The following SPAG16 variants were observed in gnomAD, a reference collection of about 807,000 sequenced individuals.
SPAG16 encodes the protein sperm associated antigen 16, also known as sperm-associated antigen 16 protein.
In SPAG16, 86 loss-of-function variants were observed where a neutral mutation model predicts 80.4. That is an observed-to-expected ratio of 1.07 (90% CI 0.90 to 1.28). The LOEUF is 1.28. Among genes scored for constraint, SPAG16 ranks in the 50% most tolerant of loss-of-function variants. The probability of loss-of-function intolerance (pLI) is 0.00; values close to 1 mark genes in which losing one functional copy is unlikely to be tolerated. For synonymous variants in SPAG16, 294 were observed against 265.9 expected (o/e 1.11, Z -1.03); for missense variants, 870 against 765.3 (o/e 1.14, Z -1.61).
intron 10 of SPAG16, among the ~76,000 whole-genome samples, chr2:213,648,349 A>T (rs921834930): frequency 6.6e-6 from 1 of 152,212 alleles, no homozygotes; most frequent in Non-Finnish European, 1.5e-5. Context: ...AAGCTTAAGT[A>T]CATCTATAGT....
chr2:213,673,560 C>G lies in SPAG16; in HGVS notation c.1070+183470C>G, dbSNP rs545744999. Among the ~76,000 whole-genome samples the G allele has an allele frequency of 2.0e-5, 3 of 152,074 alleles. No individual in the cohort carries two copies. In the South Asian group the frequency reaches 6.2e-4, roughly 32 times the overall value. On this transcript the variant is annotated intron_variant, in intron 10 of 15. Transcript: ENST00000331683. ...CATATGTCCTGCAAGACCATTGAGT[C>G]AAGGGAAAAAGCACATTGCAGAAGA...
chr2:213,783,323 A>G (rs937123555), intron 10 of SPAG16, among the ~76,000 whole-genome samples: 1 of 151,938 alleles, frequency 6.6e-6, no homozygotes, highest in East Asian at 1.9e-4. Flanking sequence ...ATAATAAAAA[A>G]AAAAAAAAAA....
At chr2:214,304,859 C>A (rs1694806344) in intron 15 of SPAG16, among the ~76,000 whole-genome samples, 2 of 152,112 alleles carry the variant, frequency 1.3e-5, no homozygotes, top group African/African-American at 4.8e-5. Context: ...GTCTTTATAA[C>A]AGAATGATTT....
rs919311693 is a variant in SPAG16, at chr2:213,865,922, A to ATT, written c.1214+3295_1214+3296dup. Among the ~76,000 whole-genome samples the ATT allele has an allele frequency of 8.7e-4, 126 of 145,546 alleles. 2 individuals carry two copies. The highest frequency in any genetic ancestry group is 3.1e-3 in the African/African-American group (120 of 38,646). On this transcript the variant is annotated intron_variant, in intron 11 of 15. Coordinates refer to ENST00000331683, the MANE Select transcript of SPAG16 (RefSeq NM_024532.5). ...TAGTACTATATACACAGAAACTTAT[A>ATT]TTATATATATATACTATATATATAT... is the stretch of plus-strand genomic sequence containing the variant.
intron 15 of SPAG16, among the ~76,000 whole-genome samples, chr2:214,277,774 T>C (rs564225256): frequency 7.2e-5 from 11 of 152,324 alleles, no homozygotes; most frequent in African/African-American, 2.6e-4. Flanking sequence ...AGGGACCCAC[T>C]TGAGGAAGCA....
chr2:214,200,546 C>T (rs993728085), intron 15 of SPAG16, among the ~76,000 whole-genome samples: 12 of 151,944 alleles, frequency 7.9e-5, no homozygotes, highest in Admixed American at 5.3e-4. Flanking sequence ...TCTGTAGTTT[C>T]CTTTTTTCAT....
intron 10 of SPAG16, among the ~76,000 whole-genome samples, chr2:213,541,902 C>T (rs1393897911): frequency 6.6e-6 from 1 of 152,118 alleles, no homozygotes; most frequent in African/African-American, 2.4e-5. Flanking sequence ...GGGGTTGACA[C>T]GTAGTAGGCC....
chr2:214,029,870 A>G (rs747326373), intron 13 of SPAG16, among the ~76,000 whole-genome samples: 3 of 152,172 alleles, frequency 2.0e-5, no homozygotes, highest in Non-Finnish European at 2.9e-5. Flanking sequence ...TTTAATGTAT[A>G]CAATTTGATG....
chr2:214,096,459 C>G (rs903555964), intron 13 of SPAG16, among the ~76,000 whole-genome samples: 1 of 151,912 alleles, frequency 6.6e-6, no homozygotes, highest in African/African-American at 2.4e-5. Flanking sequence ...AAAGGGAATT[C>G]ATTAAATATA....
intron 11 of SPAG16, among the ~76,000 whole-genome samples, chr2:213,867,985 C>A (rs939798171): frequency 2.1e-5 from 3 of 144,042 alleles, no homozygotes; most frequent in Non-Finnish European, 4.6e-5. Context: ...CTGTCAGCCA[C>A]ACAGTGGGCT....
At chr2:213,565,412 T>C (rs776377186) in intron 10 of SPAG16, among the ~76,000 whole-genome samples, 13 of 152,252 alleles carry the variant, frequency 8.5e-5, no homozygotes, top group South Asian at 2.1e-4. Flanking sequence ...AATTCTTCCA[T>C]TGAGAACTGG....
chr2:214,238,086 T>G (rs1689198471), intron 15 of SPAG16: 2 of 345,086 alleles, frequency 5.8e-6, no homozygotes, highest in South Asian at 4.6e-5. Context: ...AGAATATTTT[T>G]TATTCCATTA....
intron 15 of SPAG16, among the ~76,000 whole-genome samples, chr2:214,305,599 A>G (rs944680421): frequency 2.0e-5 from 3 of 152,202 alleles, no homozygotes; most frequent in African/African-American, 7.2e-5. Context: ...ATGCCTCACC[A>G]GTTATCCTAG....
At chr2:213,648,296 A>T (rs1261086315) in intron 10 of SPAG16, among the ~76,000 whole-genome samples, 1 of 151,828 alleles carries the variant, frequency 6.6e-6, no homozygotes, top group Non-Finnish European at 1.5e-5. Context: ...CAGGTGTTTT[A>T]TCACCTATGT....
chr2:213,777,268 A>G (rs1458474333), intron 10 of SPAG16, among the ~76,000 whole-genome samples: 1 of 73,206 alleles, frequency 1.4e-5, no homozygotes, highest in Non-Finnish European at 2.4e-5. Flanking sequence ...TTTTTTTGAG[A>G]CGTAGTCTCA....
At chr2:214,009,276 C>T (rs765646374) in intron 12 of SPAG16, among the ~76,000 whole-genome samples, 3 of 152,076 alleles carry the variant, frequency 2.0e-5, no homozygotes, top group Non-Finnish European at 2.9e-5. Context: ...AGACTTTTCT[C>T]GCTGCTTCTC....
chr2:213,776,223 GT>G (rs1315271093), intron 10 of SPAG16, among the ~76,000 whole-genome samples: 1 of 152,196 alleles, frequency 6.6e-6, no homozygotes, highest in Non-Finnish European at 1.5e-5. Flanking sequence ...GGTGGACCCA[GT>G]CTAATCATAG....
chr2:213,800,658 CTT>C (rs2071339230), intron 10 of SPAG16, among the ~76,000 whole-genome samples: 1 of 152,078 alleles, frequency 6.6e-6, no homozygotes, highest in Admixed American at 6.5e-5. Context: ...AAAAATATCT[CTT>C]GACTTATATA....
intron 10 of SPAG16, among the ~76,000 whole-genome samples, chr2:213,713,063 G>C (rs1432438035): frequency 6.6e-6 from 1 of 152,114 alleles, no homozygotes; most frequent in Admixed American, 6.5e-5. Context: ...AGCGCAGTGG[G>C]GGAAAGCCCC....
Sources: gnomAD v4.1 joint callset for allele counts (sites outside exome capture counted in the v4.1 genomes callset) on GRCh38, gnomAD v4.1.1 for gene constraint, MANE v1.5 for transcripts, NCBI Gene and HGNC (gene_info 2026-07-23, HGNC 2026-07-21) for gene names.